RIMS2: variants seen among roughly 807,000 people sequenced by gnomAD.
RIMS2 encodes regulating synaptic membrane exocytosis 2.
A neutral mutation model predicts 174.4 loss-of-function variants in RIMS2; 59 were observed. The observed-to-expected ratio is 0.34, with a 90% CI of 0.27 to 0.42. The LOEUF (loss-of-function observed/expected upper bound fraction) is 0.42, where lower values mean the gene tolerates loss of function less well. Ranked by LOEUF, RIMS2 falls within the 10% of genes least tolerant of loss-of-function variation. The probability of loss-of-function intolerance (pLI) is 1.00; values close to 1 mark genes in which losing one functional copy is unlikely to be tolerated. For synonymous variants in RIMS2, 606 were observed against 572.5 expected (o/e 1.06, Z -0.84); for missense variants, 1,620 against 1,666.3 (o/e 0.97, Z 0.48).
chr8:103,620,912 G>T (rs2095619076), intron 1 of RIMS2, among the ~76,000 whole-genome samples: 1 of 152,030 alleles, frequency 6.6e-6, no homozygotes, highest in African/African-American at 2.4e-5. Flanking sequence ...AGAATAGGTG[G>T]ATAGAACAAA....
At chr8:103,834,689 T>TTTCC (rs2098849378) in intron 3 of RIMS2, among the ~76,000 whole-genome samples, 2 of 56,132 alleles carry the variant, frequency 3.6e-5, no homozygotes, top group African/African-American at 1.7e-4. Flanking sequence ...TCTTTCTTTC[T>TTTCC]TTCTTTCTTT....
At chr8:103,584,655 A>C (rs1257532111) in intron 1 of RIMS2, among the ~76,000 whole-genome samples, 1 of 152,190 alleles carries the variant, frequency 6.6e-6, no homozygotes, top group African/African-American at 2.4e-5. Flanking sequence ...AATAGTGCTA[A>C]GTTTTTCTCA....
rs184703443 is a variant in RIMS2, at chr8:104,133,687, A to G, written c.3335-111229A>G. On this transcript the variant is annotated intron_variant, in intron 19 of 23. Coordinates refer to ENST00000504942, the Ensembl canonical transcript of RIMS2. ...GCAGTAGAGAGTGGCATGGATTTGA[A>G]TGGTCAAAATCTGGATGGGGAGAAG... Among the ~76,000 whole-genome samples the G allele has an allele frequency of 5.9e-5, 9 of 152,262 alleles. No homozygotes were observed. The East Asian group carries it at 1.7e-3, about 29-fold the overall frequency.
chr8:103,572,674 C>A (rs1015943221), intron 1 of RIMS2, among the ~76,000 whole-genome samples: 4 of 150,900 alleles, frequency 2.7e-5, no homozygotes, highest in African/African-American at 9.8e-5. Context: ...ACATTTTTTT[C>A]ATATGTTTGT....
chr8:103,926,269 T>G (rs1036894519), intron 10 of RIMS2, among the ~76,000 whole-genome samples: 7 of 151,582 alleles, frequency 4.6e-5, no homozygotes, highest in African/African-American at 1.7e-4. Context: ...TTCTTCAACA[T>G]GCCAAATTTC....
intron 17 of RIMS2, among the ~76,000 whole-genome samples, chr8:104,012,243 G>T (rs2154553718): frequency 6.6e-6 from 1 of 151,942 alleles, no homozygotes; most frequent in South Asian, 2.1e-4. Flanking sequence ...ACAAGATATG[G>T]TGTAGAATAA....
intron 15 of RIMS2, among the ~76,000 whole-genome samples, chr8:103,973,940 C>T (rs2093172706): frequency 6.6e-6 from 1 of 152,140 alleles, no homozygotes; most frequent in South Asian, 2.1e-4. Flanking sequence ...TGGAAACCAC[C>T]TCATCCATGA....
At chr8:103,692,981 C>A (rs2137130267) in intron 1 of RIMS2, among the ~76,000 whole-genome samples, 1 of 152,236 alleles carries the variant, frequency 6.6e-6, no homozygotes, top group South Asian at 2.1e-4. Flanking sequence ...TCTGGACTGC[C>A]TTTCAGGTTT....
intron 14 of RIMS2, 58 bp from the exon 17 acceptor site, chr8:103,961,007 G>T: frequency 1.1e-6 from 1 of 886,714 alleles, no homozygotes; most frequent in South Asian, 1.4e-5. Flanking sequence ...AGGTGTTTGA[G>T]GAATTTTCTT....
At chr8:104,074,084 C>A (rs2097246502) in intron 19 of RIMS2, among the ~76,000 whole-genome samples, 1 of 152,154 alleles carries the variant, frequency 6.6e-6, no homozygotes, top group Admixed American at 6.5e-5. Context: ...TCAGTGCTAA[C>A]CTTAAGTATT....
rs556722489 is a variant in RIMS2, at chr8:103,632,699, G to A, written c.177-64387G>A. Among the ~76,000 whole-genome samples the A allele has an allele frequency of 1.1e-4, 17 of 149,560 alleles. No individual in the cohort carries two copies. In the South Asian group the frequency reaches 3.2e-3, roughly 28 times the overall value. On this transcript the variant is annotated intron_variant, in intron 1 of 23. Transcript: ENST00000504942. ...GCCTCCCAGAGTGCTGGGATTGTAG[G>A]CATGAGCCACTGCGCCCGGCCATAT...
At chr8:103,678,053 C>A (rs1432680933) in intron 1 of RIMS2, among the ~76,000 whole-genome samples, 2 of 152,042 alleles carry the variant, frequency 1.3e-5, no homozygotes, top group African/African-American at 4.8e-5. Flanking sequence ...TATGGCGAAA[C>A]CTTTAGGACA....
At chr8:103,813,271 C>G (rs559745170) in intron 3 of RIMS2, among the ~76,000 whole-genome samples, 1 of 152,244 alleles carries the variant, frequency 6.6e-6, no homozygotes, top group Non-Finnish European at 1.5e-5. Flanking sequence ...ACGAGCATAA[C>G]TTTCCAATTT....
chr8:103,983,598 C>T (rs2094104021), intron 16 of RIMS2, among the ~76,000 whole-genome samples: 1 of 152,086 alleles, frequency 6.6e-6, no homozygotes, highest in African/African-American at 2.4e-5. Flanking sequence ...AATCCATACA[C>T]CTACAGTGAA....
At chr8:103,527,389 A>G (rs1039555032) in intron 1 of RIMS2, among the ~76,000 whole-genome samples, 2 of 151,840 alleles carry the variant, frequency 1.3e-5, no homozygotes, top group African/African-American at 2.4e-5. Context: ...TTTATTTTTT[A>G]TTTATTTATT....
At chr8:103,944,134 T>A (rs1195324025) in intron 14 of RIMS2, among the ~76,000 whole-genome samples, 1 of 152,078 alleles carries the variant, frequency 6.6e-6, no homozygotes, top group Non-Finnish European at 1.5e-5. Context: ...TATTTCCACT[T>A]AATACAGTCT....
intron 2 of RIMS2, among the ~76,000 whole-genome samples, chr8:103,759,460 G>A (rs995916521): frequency 1.3e-5 from 2 of 151,608 alleles, no homozygotes; most frequent in Non-Finnish European, 2.9e-5. Context: ...AGCTACTCGG[G>A]AGGCTGAGGC....
At chr8:104,143,655 C>T (rs2098604361) in intron 19 of RIMS2, among the ~76,000 whole-genome samples, 1 of 152,188 alleles carries the variant, frequency 6.6e-6, no homozygotes, top group African/African-American at 2.4e-5. Context: ...AACTCTTGAA[C>T]AGTACAAGCC....
At chr8:103,553,949 G>GA (rs1849245096) in intron 1 of RIMS2, among the ~76,000 whole-genome samples, 1 of 50,036 alleles carries the variant, frequency 2.0e-5, no homozygotes, top group South Asian at 3.7e-4. Context: ...CTAGCAGTGG[G>GA]AAAAGGACCC....
Sources: allele counts gnomAD v4.1 joint callset (sites outside exome capture counted in the v4.1 genomes callset), GRCh38; gene constraint gnomAD v4.1.1; transcripts MANE v1.5; gene names NCBI Gene and HGNC (gene_info 2026-07-23, HGNC 2026-07-21).